Variants in STK32B observed in about 807,000 individuals in gnomAD.
The protein encoded by STK32B is serine/threonine-protein kinase 32B.
In STK32B, 43 loss-of-function variants were observed where a neutral mutation model predicts 52.6. That is an observed-to-expected ratio of 0.82 (90% CI 0.64 to 1.05). The LOEUF is 1.05. Among genes scored for constraint, STK32B ranks in the 50% least tolerant of loss-of-function variants. STK32B has a pLI of 0.00. For synonymous variants in STK32B, 238 were observed against 204.3 expected (o/e 1.17, Z -1.41); for missense variants, 621 against 534.6 (o/e 1.16, Z -1.59).
chr4:5,063,676 A>G (rs372412544), intron 1 of STK32B, among the ~76,000 whole-genome samples: 1 of 152,184 alleles, frequency 6.6e-6, no homozygotes, highest in East Asian at 1.9e-4. Context: ...ATTTTACATT[A>G]GTTTATTCAC....
At chr4:5,343,556 C>T (rs1733245471) in intron 4 of STK32B, among the ~76,000 whole-genome samples, 1 of 152,124 alleles carries the variant, frequency 6.6e-6, no homozygotes, top group African/African-American at 2.4e-5. Context: ...AACTAGTTTA[C>T]ACTCCCACCA....
chr4:5,272,262 T>C (rs946839663), intron 3 of STK32B, among the ~76,000 whole-genome samples: 25 of 147,342 alleles, frequency 1.7e-4, no homozygotes, highest in Non-Finnish European at 2.4e-4. Flanking sequence ...ATTGAGATAA[T>C]CATGTGGTTT....
At chr4:5,175,960 T>C (rs2108747066) in intron 3 of STK32B, among the ~76,000 whole-genome samples, 1 of 152,362 alleles carries the variant, frequency 6.6e-6, no homozygotes, top group Middle Eastern at 3.4e-3. Flanking sequence ...CCACTCGAGC[T>C]TCCCAGCTGC....
chr4:5,124,544 C>T (rs1715244456), intron 1 of STK32B, among the ~76,000 whole-genome samples: 1 of 152,082 alleles, frequency 6.6e-6, no homozygotes, highest in Non-Finnish European at 1.5e-5. Flanking sequence ...CATGGAAGGT[C>T]AGAAAGGAAA....
intron 3 of STK32B, among the ~76,000 whole-genome samples, chr4:5,207,944 A>G (rs963224427): frequency 2.0e-5 from 3 of 152,096 alleles, no homozygotes; most frequent in African/African-American, 7.2e-5. Context: ...ATTTATTCAC[A>G]AAGGAAACAT....
intron 1 of STK32B, among the ~76,000 whole-genome samples, chr4:5,054,101 T>G (rs1449492966): frequency 6.6e-6 from 1 of 152,194 alleles, no homozygotes; most frequent in Non-Finnish European, 1.5e-5. Flanking sequence ...CTCTCACACG[T>G]TTCCTAGTAC....
intron 11 of STK32B, among the ~76,000 whole-genome samples, chr4:5,482,633 AG>A (rs1479632381): frequency 7.9e-5 from 12 of 152,170 alleles, no homozygotes; most frequent in Admixed American, 7.9e-4. Flanking sequence ...ATTGAATAGG[AG>A]TAGTGAGAGA....
chr4:5,453,854 G>A lies in STK32B; in HGVS notation c.667-2953G>A, dbSNP rs533626203. Reference sequence around the variant, plus strand: ...TGGCAGGTGGAGGTTGCAGTGAGCCGAGATCATACCATTGCACTCCAGTCT... The same window carrying A: ...TGGCAGGTGGAGGTTGCAGTGAGCCAAGATCATACCATTGCACTCCAGTCT... On this transcript the variant is annotated intron_variant, in intron 7 of 11. Transcript: ENST00000282908. The surrounding 1 kb of genome is among the most constrained non-coding windows in gnomAD (Gnocchi z 4.0). Among the ~76,000 whole-genome samples the A allele has an allele frequency of 2.6e-5, 4 of 152,106 alleles. No individual in the cohort carries two copies. Among genetic ancestry groups the A allele is most frequent in the African/African-American group, 9.6e-5 (4 of 41,502 alleles).
chr4:5,486,858 TAAG>T (rs975252561), intron 11 of STK32B, among the ~76,000 whole-genome samples: 8 of 152,232 alleles, frequency 5.3e-5, no homozygotes, highest in African/African-American at 1.7e-4. Context: ...AGAGGTTTCA[TAAG>T]AAGGAGAAAT....
At chr4:5,494,806 A>C (rs1189725292) in intron 11 of STK32B, among the ~76,000 whole-genome samples, 4 of 152,142 alleles carry the variant, frequency 2.6e-5, no homozygotes, top group African/African-American at 9.7e-5. Flanking sequence ...GCTTGTCTGT[A>C]AAGTATTTTA....
intron 3 of STK32B, among the ~76,000 whole-genome samples, chr4:5,180,937 T>C (rs1720305004): frequency 6.6e-6 from 1 of 152,142 alleles, no homozygotes; most frequent in Non-Finnish European, 1.5e-5. Context: ...TTTTACTCTC[T>C]TGGGTTTAAG....
intron 1 of STK32B, among the ~76,000 whole-genome samples, chr4:5,059,737 A>C (rs1742147767): frequency 6.6e-6 from 1 of 152,230 alleles, no homozygotes; most frequent in Non-Finnish European, 1.5e-5. Context: ...AATAGAACTA[A>C]ATCTGTAATA....
At chr4:5,297,513 T>C (rs1729281103) in intron 3 of STK32B, among the ~76,000 whole-genome samples, 1 of 152,134 alleles carries the variant, frequency 6.6e-6, no homozygotes, top group African/African-American at 2.4e-5. Flanking sequence ...TCACGCTTTA[T>C]TTTATTAAGT....
chr4:5,422,137 G>T (rs1712697459), intron 6 of STK32B, among the ~76,000 whole-genome samples: 1 of 152,230 alleles, frequency 6.6e-6, no homozygotes, highest in Non-Finnish European at 1.5e-5. Flanking sequence ...GTACAGAAGA[G>T]ATTTTTATAG....
At chr4:5,047,338 G>C (rs549656858), upstream of STK32B, among the ~76,000 whole-genome samples, 51 of 152,096 alleles carry the variant, frequency 3.4e-4, no homozygotes, top group Admixed American at 8.5e-4. Context: ...GGGCCTGTTG[G>C]GGGGTGGGGG....
chr4:5,205,675 G>T (rs1454121239), intron 3 of STK32B, among the ~76,000 whole-genome samples: 1 of 150,712 alleles, frequency 6.6e-6, no homozygotes, highest in African/African-American at 2.4e-5. Flanking sequence ...GGTGGCAGAG[G>T]TTGACAGTTC....
intron 8 of STK32B, among the ~76,000 whole-genome samples, chr4:5,459,671 G>A (rs1006910729): frequency 6.6e-6 from 1 of 152,226 alleles, no homozygotes; most frequent in African/African-American, 2.4e-5. Flanking sequence ...TTAGGTCACA[G>A]AGATCACCTC....
intron 3 of STK32B, among the ~76,000 whole-genome samples, chr4:5,316,214 CA>C (rs1730691048): frequency 1.5e-5 from 1 of 66,108 alleles, no homozygotes; most frequent in African/African-American, 8.9e-5. Context: ...ATATATATTA[CA>C]TAATATATTA....
intron 4 of STK32B, among the ~76,000 whole-genome samples, chr4:5,335,379 T>G (rs1164322379): frequency 1.3e-5 from 2 of 152,172 alleles, no homozygotes; most frequent in Non-Finnish European, 2.9e-5. Context: ...TTTTTCTTTA[T>G]TAGTCTTGCT....
Sources: allele counts gnomAD v4.1 joint callset (sites outside exome capture counted in the v4.1 genomes callset), GRCh38; gene constraint gnomAD v4.1.1; non-coding constraint Gnocchi (gnomAD v3.1); transcripts MANE v1.5; gene names NCBI Gene and HGNC (gene_info 2026-07-23, HGNC 2026-07-21).